ZC3H4: variants seen among roughly 807,000 people sequenced by gnomAD.
ZC3H4 encodes zinc finger CCCH-type containing 4, also known as zinc finger CCCH domain-containing protein 4.
ZC3H4 carries 13 observed loss-of-function variants against 108.3 expected under a neutral mutation model. The ratio of observed to expected loss-of-function variants is 0.12; its 90% CI spans 0.08 to 0.19. The LOEUF is 0.19. Ranked by LOEUF, ZC3H4 falls within the 10% of genes least tolerant of loss-of-function variation. The pLI is 1.00. For synonymous variants in ZC3H4, 917 were observed against 749.6 expected, an observed-to-expected ratio of 1.22 and a Z score of -3.65; for missense variants, 1,734 against 1,838.8, an observed-to-expected ratio of 0.94 and a Z score of 1.04.
intron 3 of ZC3H4, 97 bp from the exon 4 acceptor site, chr19:47,094,177 G>A: frequency 1.6e-6 from 2 of 1,281,366 alleles, no homozygotes; most frequent in Non-Finnish European, 2.2e-6. Flanking sequence ...TGTGCCGCAG[G>A]GCTCTGCGCT....
At chr19:47,086,616 T>C (rs1253564254) in intron 5 of ZC3H4, 78 bp from the exon 6 acceptor site, 71 of 1,482,042 alleles carry the variant, frequency 4.8e-5, no homozygotes, top group Non-Finnish European at 5.1e-5. Flanking sequence ...CACATTTTGC[T>C]CCTGAGGTCA....
chr19:47,095,034 T>TG (rs2057799221), intron 2 of ZC3H4, among the ~76,000 whole-genome samples: 2 of 152,164 alleles, frequency 1.3e-5, no homozygotes, highest in Non-Finnish European at 1.5e-5. Flanking sequence ...GTGAAGCACT[T>TG]GGGGCACTTC....
Position 47,066,653 on chromosome 19 carries a change from A to C in ZC3H4, c.3615T>G (p.Gly1205=). The change falls in exon 15 of 15, where the codon GGT becomes GGG. Residue 1205 remains glycine, a synonymous_variant. Transcript: ENST00000253048. ...TGTCCGTGGGGGTGCCCCCATCAGC[A>C]CCGGCCTTCCCTGTCTCTGGCTGTT... ...ALEQPETGKA[G]ADGGTPTDRY... is the part of the protein sequence containing the mutation. 1 of 1,611,888 alleles carries C rather than the reference A, an allele frequency of 6.2e-7. No homozygotes were observed. The highest frequency in any genetic ancestry group is 1.1e-5 in the South Asian group (1 of 90,796).
chr19:47,106,038 T>C (rs2057964169), intron 2 of ZC3H4, among the ~76,000 whole-genome samples: 1 of 152,166 alleles, frequency 6.6e-6, no homozygotes, highest in East Asian at 1.9e-4. Context: ...TCTGTTTTGG[T>C]TTCTCCTCAA....
At chr19:47,075,610 G>A (rs1348790809) in intron 11 of ZC3H4, among the ~76,000 whole-genome samples, 9 of 151,722 alleles carry the variant, frequency 5.9e-5, no homozygotes, top group East Asian at 5.9e-4. Flanking sequence ...GTGTGTGTGC[G>A]CACACACACA....
Position 47,093,982 on chromosome 19 carries a change from G to A in ZC3H4, c.480C>T (p.Pro160=), listed in dbSNP as rs1346705771. The A allele has an allele frequency of 1.9e-6, 3 of 1,613,460 alleles. No homozygotes were observed. The highest frequency in any genetic ancestry group is 2.5e-6 in the Non-Finnish European group (3 of 1,179,458). The change falls in exon 4 of 15, where the codon CCC becomes CCT. Residue 160 remains proline, a synonymous_variant. Coordinates refer to ENST00000253048, the MANE Select transcript of ZC3H4 (RefSeq NM_015168.2). ...KGHRKYREYS[P]PYAPSHQQYP... ...GCCAGTCACTCACCGGCGCATATGG[G>A]GGGCTGTACTCTCTGTACTTGCGGT...
At chr19:47,093,822 T>C (rs2057776712) in intron 4 of ZC3H4, 148 bp downstream of exon 4, 1 of 575,448 alleles carries the variant, frequency 1.7e-6, no homozygotes, top group African/African-American at 1.9e-5. Flanking sequence ...TTCAGTTTCC[T>C]CACTCATAAA....
intron 2 of ZC3H4, among the ~76,000 whole-genome samples, chr19:47,095,846 C>T (rs2057812114): frequency 6.6e-6 from 1 of 152,222 alleles, no homozygotes; most frequent in Non-Finnish European, 1.5e-5. Context: ...CCAACTCCTT[C>T]CGTCTCAATT....
intron 2 of ZC3H4, among the ~76,000 whole-genome samples, chr19:47,102,660 G>A (rs762842930): frequency 6.6e-6 from 1 of 151,626 alleles, no homozygotes; most frequent in Non-Finnish European, 1.5e-5. Context: ...ACACAAGGCC[G>A]ATACGGTCCT....
intron 11 of ZC3H4, among the ~76,000 whole-genome samples, chr19:47,077,733 T>C (rs2057448216): frequency 6.6e-6 from 1 of 151,788 alleles, no homozygotes. Context: ...GGCACATGCC[T>C]GTAATCTCAG....
chr19:47,066,410 G>A lies in ZC3H4; in HGVS notation c.3858C>T (p.Ser1286=), dbSNP rs1426240862. 6.4e-7 allele frequency: 1 copy of A among 1,572,620 alleles called. No individual in the cohort carries two copies. Among genetic ancestry groups the A allele is most frequent in the Admixed American group, 1.9e-5 (1 of 52,442 alleles). ...CGAAGCCTTTAAAAACATCCTTCAG[G>A]GATGCCGCATCCTGCTCACCCTCGC... ...PAREGEQDAA[S]LKDVFKGFDP... Residue 1286 remains serine, a synonymous_variant, in exon 15 of 15, where the codon TCC becomes TCT. Transcript: ENST00000253048.
chr19:47,098,058 G>A (rs891101408), intron 2 of ZC3H4, among the ~76,000 whole-genome samples: 3 of 152,264 alleles, frequency 2.0e-5, no homozygotes, highest in East Asian at 3.9e-4. Flanking sequence ...CGGGTATTTC[G>A]GTTCCCATTT....
chr19:47,082,822 T>C (rs925170676), intron 9 of ZC3H4, among the ~76,000 whole-genome samples: 2 of 152,170 alleles, frequency 1.3e-5, no homozygotes, highest in Middle Eastern at 3.2e-3. Flanking sequence ...AGCTCCAGAC[T>C]CCTGGTTCTG....
chr19:47,104,656 T>C (rs1018012729), intron 2 of ZC3H4, among the ~76,000 whole-genome samples: 2 of 152,212 alleles, frequency 1.3e-5, no homozygotes, highest in African/African-American at 4.8e-5. Flanking sequence ...TTGAAAGTGA[T>C]GGATGCACAG....
chr19:47,098,734 A>G (rs2057861668), intron 2 of ZC3H4, among the ~76,000 whole-genome samples: 1 of 152,204 alleles, frequency 6.6e-6, no homozygotes, highest in Admixed American at 6.5e-5. Context: ...ACTGCACTTC[A>G]GTCTGGGTGA....
intron 13 of ZC3H4, among the ~76,000 whole-genome samples, chr19:47,071,034 GT>G (rs1282780984): frequency 6.6e-6 from 1 of 152,182 alleles, no homozygotes; most frequent in African/African-American, 2.4e-5. Flanking sequence ...CATTCCTCAC[GT>G]TGTGAGTGCC....
chr19:47,067,125 C>T lies in ZC3H4; in HGVS notation c.3143G>A (p.Arg1048His), dbSNP rs769326561. The change falls in exon 15 of 15, where the codon CGC (arginine) becomes CAC (histidine). Residue 1048 changes from arginine (R) to histidine (H), a missense_variant. Arg to His is a conservative substitution (Grantham distance 29). This residue lies in a region of ZC3H4 where 518 missense variants were observed against 499.6 expected (regional missense o/e 1.04). Transcript: ENST00000253048. The surrounding 1 kb of genome is among the most constrained non-coding windows in gnomAD (Gnocchi z 6.4). ...GGTGGCATTGACTGTCTTGAGGATGCGAGACAGAAGTTCAAAGTCGGGGAG... is the reference window on the plus strand; with the variant it reads ...GGTGGCATTGACTGTCTTGAGGATGTGAGACAGAAGTTCAAAGTCGGGGAG... The part of the protein sequence containing the change: ...ANLPDFELLS[R>H]ILKTVNATGS... The T allele has an allele frequency of 5.6e-6, 9 of 1,611,654 alleles. No individual in the cohort carries two copies. Among genetic ancestry groups the T allele is most frequent in the Admixed American group, 3.3e-5 (2 of 59,746 alleles).
At chr19:47,070,308 G>A (rs1049824015) in intron 13 of ZC3H4, among the ~76,000 whole-genome samples, 28 of 152,126 alleles carry the variant, frequency 1.8e-4, no homozygotes, top group African/African-American at 6.5e-4. Context: ...TTTCAACTTC[G>A]TCAAGTGAAC....
intron 11 of ZC3H4, among the ~76,000 whole-genome samples, chr19:47,073,679 A>G (rs1163373337): frequency 6.6e-6 from 1 of 152,142 alleles, no homozygotes; most frequent in Non-Finnish European, 1.5e-5. Context: ...ATCACCCCCA[A>G]AAGAGACCCT....
Sources: allele counts gnomAD v4.1 joint callset (sites outside exome capture counted in the v4.1 genomes callset), GRCh38; gene constraint gnomAD v4.1.1; regional missense constraint gnomAD v4.1.1; non-coding constraint Gnocchi (gnomAD v3.1); transcripts MANE v1.5; gene names NCBI Gene and HGNC (gene_info 2026-07-23, HGNC 2026-07-21).